DNAH3: variants seen among roughly 807,000 people sequenced by gnomAD.
The protein encoded by DNAH3 is dynein axonemal heavy chain 3, also known as axonemal beta dynein heavy chain 3.
In DNAH3, 332 loss-of-function variants were observed where a neutral mutation model predicts 432.5. That is an observed-to-expected ratio of 0.77 (90% CI 0.70 to 0.84). DNAH3 has a LOEUF of 0.84. Ranked by LOEUF, DNAH3 falls within the 40% of genes least tolerant of loss-of-function variation. The probability of loss-of-function intolerance (pLI) is 0.00; values close to 1 mark genes in which losing one functional copy is unlikely to be tolerated. For missense variants in DNAH3, 4,861 were observed against 5,114.0 expected (o/e 0.95, Z 1.51); for synonymous variants, 1,956 against 1,900.2 (o/e 1.03, Z -0.76).
chr16:20,936,911 GTCCAC>G (rs1385695321), intron 59 of DNAH3, 58 bp from the exon 60 acceptor site: 2 of 1,380,332 alleles, frequency 1.4e-6, no homozygotes, highest in Non-Finnish European at 2.0e-6. Flanking sequence ...TTCTACCCAA[GTCCAC>G]TGACTGCTGT....
exon 54 of DNAH3, chr16:20,959,403 G>T (rs144226614): frequency 6.2e-7 from 1 of 1,609,058 alleles, no homozygotes; most frequent in Admixed American, 1.7e-5. Context: ...ACTTCAGCAG[G>T]CCTGAGACCA....
At chr16:21,117,171 T>G in intron 12 of DNAH3, 32 bp downstream of exon 12, 1 of 1,471,416 alleles carries the variant, frequency 6.8e-7, no homozygotes, top group East Asian at 2.3e-5. Context: ...CCCAAAAAGC[T>G]ACATAGCTAA....
At chr16:20,963,846 G>A (rs2084930358) in exon 53 of DNAH3, 1 of 1,614,140 alleles carries the variant, frequency 6.2e-7, no homozygotes, top group Non-Finnish European at 8.5e-7. Context: ...TGATGTACTT[G>A]ATGCGCAGAT....
At chr16:20,963,234 C>T (rs1241531334) in intron 53 of DNAH3, 50 bp downstream of exon 53, 4 of 1,551,760 alleles carry the variant, frequency 2.6e-6, no homozygotes, top group African/African-American at 2.7e-5. Context: ...CTGATATCCA[C>T]CCACACATAC....
Position 21,150,535 on chromosome 16 carries a change from C to A in DNAH3, c.118-4447G>T. 1 of 225,128 alleles carries A rather than the reference C, an allele frequency of 4.4e-6. No individual in the cohort carries two copies. Among genetic ancestry groups the A allele is most frequent in the Non-Finnish European group, 9.0e-6 (1 of 110,690 alleles). 13.9% of individuals were successfully genotyped at this position (225,128 alleles called of 1,614,324 possible). ...AGACTTTGGCCCGCTGAGGAGTTCC[C>A]TGGTAAAAAAGGAGAGAAAGGGAAG... On this transcript the variant is annotated intron_variant, in intron 1 of 61. Coordinates refer to ENST00000261383, the Ensembl canonical transcript of DNAH3.
intron 57 of DNAH3, 25 bp downstream of exon 57, chr16:20,948,458 G>A: frequency 2.5e-6 from 4 of 1,608,494 alleles, no homozygotes; most frequent in Non-Finnish European, 3.4e-6. Flanking sequence ...GGGGAAAGAG[G>A]TAGGCCTCCC....
chr16:20,969,006 TCC>T (rs1345074438), intron 52 of DNAH3, among the ~76,000 whole-genome samples: 1 of 152,076 alleles, frequency 6.6e-6, no homozygotes, highest in Non-Finnish European at 1.5e-5. Flanking sequence ...CCTGTTTCTC[TCC>T]CTTCATGTCT....
chr16:21,092,017 A>G (rs1258420865), intron 18 of DNAH3, among the ~76,000 whole-genome samples: 2 of 152,228 alleles, frequency 1.3e-5, no homozygotes, highest in Non-Finnish European at 2.9e-5. Flanking sequence ...AAGACTCAAT[A>G]TTGTTAAGAT....
chr16:21,092,568 G>A (rs543126782), intron 18 of DNAH3, among the ~76,000 whole-genome samples: 4 of 151,648 alleles, frequency 2.6e-5, no homozygotes, highest in African/African-American at 9.7e-5. Flanking sequence ...ATTTGAGAAT[G>A]GCTTTTTAGT....
Position 21,020,397 on chromosome 16 carries a change from ATTT to A in DNAH3, c.5777-531_5777-529del, listed in dbSNP as rs56049638. Among the ~76,000 whole-genome samples, 16 of 34,572 alleles carry A rather than the reference ATTT, an allele frequency of 4.6e-4. 1 individual carries two copies. The highest frequency in any genetic ancestry group is 3.4e-3 in the East Asian group (2 of 580). The allele number at this position is 34,572 out of a possible 152,430, so 22.7% of individuals were successfully genotyped here. ...TCACTATATATATATATATATATAT[ATTT>A]TTTTTTTTTTTTTTTTTTTTGAGAT... On this transcript the variant is annotated intron_variant, in intron 40 of 61. Transcript: ENST00000261383.
rs138858954 is a variant in DNAH3, at chr16:21,151,749, T to G, written c.118-5661A>C. ...ATAAACACAGAAATACATGTGCACATACTCAAAAGTAACAATATTAGCTGC... is the reference window on the plus strand; with the variant it reads ...ATAAACACAGAAATACATGTGCACAGACTCAAAAGTAACAATATTAGCTGC... On this transcript the variant is annotated intron_variant, in intron 1 of 61. Transcript: ENST00000261383. 1.2e-3 allele frequency among the ~76,000 whole-genome samples: 189 copies of G among 152,248 alleles called. 1 individual carries two copies. The highest frequency in any genetic ancestry group is 3.9e-3 in the African/African-American group (161 of 41,570).
chr16:21,045,686 CTGATT>C (rs1451789079), intron 31 of DNAH3, among the ~76,000 whole-genome samples: 1 of 150,044 alleles, frequency 6.7e-6, no homozygotes, highest in Non-Finnish European at 1.5e-5. Context: ...CAGTTCTGCT[CTGATT>C]TTAGTTATTT....
chr16:21,085,717 G>A (rs2091347099), intron 19 of DNAH3, among the ~76,000 whole-genome samples: 1 of 151,946 alleles, frequency 6.6e-6, no homozygotes, highest in Non-Finnish European at 1.5e-5. Context: ...TTCCTAGGGA[G>A]AACAAAGTGC....
At chr16:21,155,555 G>A (rs928120050) in intron 1 of DNAH3, among the ~76,000 whole-genome samples, 3 of 147,784 alleles carry the variant, frequency 2.0e-5, no homozygotes, top group Non-Finnish European at 4.4e-5. Flanking sequence ...CCAGGAGGTG[G>A]AGGTTGCAGT....
intron 3 of DNAH3, among the ~76,000 whole-genome samples, chr16:21,142,362 C>T (rs1175739389): frequency 4.0e-5 from 6 of 151,874 alleles, no homozygotes; most frequent in Non-Finnish European, 5.9e-5. Flanking sequence ...AGCGAAACTC[C>T]GTCTCAAAAA....
At chr16:20,979,107 CA>C in intron 50 of DNAH3, among the ~76,000 whole-genome samples, 2 of 151,746 alleles carry the variant, frequency 1.3e-5, no homozygotes, top group South Asian at 4.2e-4. Context: ...ATTAAGAAAT[CA>C]AAATTAATGC....
At chr16:21,156,224 A>ATTATT (rs1555579947) in intron 1 of DNAH3, among the ~76,000 whole-genome samples, 7 of 142,306 alleles carry the variant, frequency 4.9e-5, no homozygotes, top group African/African-American at 1.3e-4. Context: ...ATTTTATTTT[A>ATTATT]TTATTTTATT....
chr16:21,101,242 C>A (rs528127855), intron 16 of DNAH3, among the ~76,000 whole-genome samples: 1 of 152,218 alleles, frequency 6.6e-6, no homozygotes, highest in East Asian at 1.9e-4. Flanking sequence ...TTATTGTATA[C>A]CGTACTGAAA....
intron 16 of DNAH3, among the ~76,000 whole-genome samples, chr16:21,103,363 G>A (rs1378910171): frequency 7.2e-6 from 1 of 138,924 alleles, no homozygotes; most frequent in Non-Finnish European, 1.6e-5. Context: ...GTGGGGGGGG[G>A]CAGGGTGGGG....
Sources: allele counts gnomAD v4.1 joint callset (sites outside exome capture counted in the v4.1 genomes callset), GRCh38; gene constraint gnomAD v4.1.1; transcripts MANE v1.5; gene names NCBI Gene and HGNC (gene_info 2026-07-23, HGNC 2026-07-21).